Variants in HDAC9 observed in about 807,000 individuals in gnomAD.
HDAC9 encodes the protein histone deacetylase 9, also known as MEF-2 interacting transcription repressor (MITR) protein.
In HDAC9, 41 loss-of-function variants were observed where a neutral mutation model predicts 139.4. The ratio of observed to expected loss-of-function variants is 0.29; its 90% CI spans 0.23 to 0.38. HDAC9 has a LOEUF of 0.38. Among genes scored for constraint, HDAC9 ranks in the 10% least tolerant of loss-of-function variants. The probability of loss-of-function intolerance (pLI) is 1.00; values close to 1 mark genes in which losing one functional copy is unlikely to be tolerated. For synonymous variants in HDAC9, 517 were observed against 476.2 expected, an observed-to-expected ratio of 1.09 and a Z score of -1.12; for missense variants, 1,147 against 1,297.0, an observed-to-expected ratio of 0.88 and a Z score of 1.78.
chr7:18,325,293 G>A (rs538544649), intron 1 of HDAC9, among the ~76,000 whole-genome samples: 53 of 152,086 alleles, frequency 3.5e-4, no homozygotes, highest in Admixed American at 5.2e-4. Flanking sequence ...TAACAGCAAT[G>A]AATAAAACAA....
intron 21 of HDAC9, among the ~76,000 whole-genome samples, chr7:18,871,097 C>A (rs1170774181): frequency 6.6e-6 from 1 of 152,144 alleles, no homozygotes; most frequent in African/African-American, 2.4e-5. Flanking sequence ...GAGCTGTTTT[C>A]TCTCCTTTCT....
rs141281672 is a variant in HDAC9, at chr7:18,672,932, G to C, written c.1731+6456G>C. Among the ~76,000 whole-genome samples the C allele has an allele frequency of 5.1e-3, 771 of 152,060 alleles. 5 individuals are homozygous for C. The highest frequency in any genetic ancestry group is 0.018 in the African/African-American group (737 of 41,510). On this transcript the variant is annotated intron_variant, in intron 12 of 25. Coordinates refer to ENST00000686413, the MANE Select transcript of HDAC9 (RefSeq NM_178425.4). ...TTGCTTTTCTGATATTTCTGTGGCT[G>C]ACCCTTGTTGCTTTCTAACTTTTGA...
chr7:18,257,401 CCA>C (rs773964606), intron 2 of HDAC9, among the ~76,000 whole-genome samples: 22,921 of 130,622 alleles, frequency 0.18, 2,114 homozygotes, highest in African/African-American at 0.25. Flanking sequence ...TCTGTCTCTC[CCA>C]CACACACACA....
In HDAC9 at chr7:18,568,024, ATG is replaced by A. The variant is rs1156992954; in HGVS notation, c.23-17255_23-17254del. 4.8e-3 allele frequency among the ~76,000 whole-genome samples: 362 copies of A among 75,514 alleles called. 1 individual carries two copies. Among genetic ancestry groups the A allele is most frequent in the African/African-American group, 0.017 (345 of 19,808 alleles). The allele number at this position is 75,514 out of a possible 152,430, so 49.5% of individuals were successfully genotyped here. A position where few individuals can be genotyped will look rare whatever the true frequency, so the allele number is the denominator to read the frequency against. Reference sequence around the variant, plus strand: ...GTTTATACATACAGGATATATGTATATGTATATATATATATATATATATATAT... The same window carrying A: ...GTTTATACATACAGGATATATGTATATATATATATATATATATATATATAT... On this transcript the variant is annotated intron_variant, in intron 2 of 25. Transcript: ENST00000686413.
intron 1 of HDAC9, among the ~76,000 whole-genome samples, chr7:18,126,710 A>G (rs1332447432): frequency 6.6e-6 from 1 of 152,140 alleles, no homozygotes; most frequent in Non-Finnish European, 1.5e-5. Flanking sequence ...AGAAAGTCCA[A>G]TCATTCTGTG....
At chr7:18,109,948 G>A (rs888441781) in intron 1 of HDAC9, among the ~76,000 whole-genome samples, 1 of 152,132 alleles carries the variant, frequency 6.6e-6, no homozygotes, top group Non-Finnish European at 1.5e-5. Flanking sequence ...TTTCTGCACA[G>A]AATTGTATTG....
chr7:18,115,522 T>A (rs551788303), intron 1 of HDAC9, among the ~76,000 whole-genome samples: 1 of 152,344 alleles, frequency 6.6e-6, no homozygotes, highest in African/African-American at 2.4e-5. Flanking sequence ...TCTGAAAATG[T>A]AGTAGATTCC....
intron 2 of HDAC9, among the ~76,000 whole-genome samples, chr7:18,575,970 T>C (rs189842718): frequency 2.0e-5 from 3 of 152,302 alleles, no homozygotes; most frequent in Admixed American, 2.0e-4. Context: ...ATGAATGTTA[T>C]GAAAAGAACT....
intron 1 of HDAC9, among the ~76,000 whole-genome samples, chr7:18,093,930 C>T (rs1400140110): frequency 1.3e-5 from 2 of 152,070 alleles, no homozygotes; most frequent in Non-Finnish European, 2.9e-5. Flanking sequence ...GGCCCAGATC[C>T]CCTTGCTGCT....
At chr7:18,149,524 GT>G (rs1174449552) in intron 1 of HDAC9, among the ~76,000 whole-genome samples, 1 of 149,344 alleles carries the variant, frequency 6.7e-6, no homozygotes, top group Non-Finnish European at 1.5e-5. Flanking sequence ...CATGGCTAAG[GT>G]TTTTTATTTA....
chr7:18,168,561 T>C (rs1788158154), intron 2 of HDAC9, among the ~76,000 whole-genome samples: 1 of 152,018 alleles, frequency 6.6e-6, no homozygotes, highest in Non-Finnish European at 1.5e-5. Context: ...AAAAACTCTG[T>C]GTGTGTGTCT....
chr7:18,208,011 G>C (rs946006156), intron 2 of HDAC9, among the ~76,000 whole-genome samples: 3 of 152,080 alleles, frequency 2.0e-5, no homozygotes, highest in African/African-American at 7.2e-5. Flanking sequence ...ACTGTGCTCG[G>C]CCTATTTATG....
intron 1 of HDAC9, among the ~76,000 whole-genome samples, chr7:18,315,334 C>T (rs10232459): frequency 0.013 from 2,051 of 152,220 alleles, 52 homozygotes; most frequent in African/African-American, 0.047. Flanking sequence ...TTATGATCGT[C>T]CCTTTAGAAT....
At chr7:18,601,598 G>A (rs1272252908) in intron 6 of HDAC9, among the ~76,000 whole-genome samples, 1 of 152,110 alleles carries the variant, frequency 6.6e-6, no homozygotes, top group Non-Finnish European at 1.5e-5. Context: ...ACCATCAAGT[G>A]TGATATTAGC....
intron 21 of HDAC9, among the ~76,000 whole-genome samples, chr7:18,863,371 G>A (rs185402058): frequency 8.5e-5 from 13 of 152,292 alleles, no homozygotes; most frequent in East Asian, 7.7e-4. Flanking sequence ...GGCTTTGAAC[G>A]TGGCCCAGGA....
intron 14 of HDAC9, among the ~76,000 whole-genome samples, chr7:18,752,773 C>T (rs1788558436): frequency 1.3e-5 from 2 of 152,144 alleles, no homozygotes; most frequent in African/African-American, 4.8e-5. Context: ...CATTGTTTTT[C>T]AGTATCCACA....
At chr7:18,153,730 A>G (rs1010035849) in intron 1 of HDAC9, among the ~76,000 whole-genome samples, 2 of 152,276 alleles carry the variant, frequency 1.3e-5, no homozygotes, top group South Asian at 2.1e-4. Context: ...CCTGCCTCAG[A>G]TGGAGGGATA....
chr7:18,732,950 T>G, intron 13 of HDAC9, among the ~76,000 whole-genome samples: 2 of 102,446 alleles, frequency 2.0e-5, no homozygotes, highest in African/African-American at 5.5e-5. Flanking sequence ...TATACACACG[T>G]GTATGTGTGT....
chr7:18,295,546 A>C (rs1441223330), intron 1 of HDAC9, among the ~76,000 whole-genome samples: 2 of 152,164 alleles, frequency 1.3e-5, no homozygotes, highest in Non-Finnish European at 2.9e-5. Flanking sequence ...TATATTTAGA[A>C]ATTATCTTAC....
Sources: allele counts gnomAD v4.1 joint callset (sites outside exome capture counted in the v4.1 genomes callset), GRCh38; gene constraint gnomAD v4.1.1; transcripts MANE v1.5; gene names NCBI Gene and HGNC (gene_info 2026-07-23, HGNC 2026-07-21).